Variants in SLC16A7 observed in about 807,000 individuals in gnomAD.
SLC16A7 encodes the protein solute carrier family 16 member 7.
SLC16A7 carries 33 observed loss-of-function variants against 34.9 expected under a neutral mutation model. The ratio of observed to expected loss-of-function variants is 0.94; its 90% CI spans 0.72 to 1.26. SLC16A7 has a LOEUF of 1.26. SLC16A7 is among the 50% of genes most tolerant of loss of function. SLC16A7 has a pLI of 0.00. For missense variants in SLC16A7, 573 were observed against 578.1 expected (o/e 0.99, Z 0.09); for synonymous variants, 201 against 206.6 (o/e 0.97, Z 0.23).
At chr12:59,607,363 T>G (rs1878993715) in intron 1 of SLC16A7, among the ~76,000 whole-genome samples, 1 of 152,178 alleles carries the variant, frequency 6.6e-6, no homozygotes, top group African/African-American at 2.4e-5. Flanking sequence ...AAAAGTCTGC[T>G]GAAGAATAAG....
At chr12:59,671,929 C>A (rs10783996) in intron 2 of SLC16A7, among the ~76,000 whole-genome samples, 8,606 of 15,128 alleles carry the variant, frequency 0.57, 3,633 homozygotes, top group Non-Finnish European at 0.67. Context: ...ATGTATATAT[C>A]CATATATGTA....
At chr12:59,700,446 T>C (rs1872745375) in intron 2 of SLC16A7, among the ~76,000 whole-genome samples, 2 of 149,930 alleles carry the variant, frequency 1.3e-5, no homozygotes, top group African/African-American at 2.4e-5. Context: ...ATTACATGCA[T>C]ATAATATAGA....
intron 3 of SLC16A7, among the ~76,000 whole-genome samples, chr12:59,723,956 CA>C (rs1875928518): frequency 6.6e-6 from 1 of 151,844 alleles, no homozygotes; most frequent in Admixed American, 6.6e-5. Context: ...CATTCTTAAA[CA>C]GGCATGCAAG....
intron 2 of SLC16A7, among the ~76,000 whole-genome samples, chr12:59,686,369 G>A (rs969400029): frequency 4.6e-5 from 7 of 151,948 alleles, no homozygotes; most frequent in Admixed American, 4.6e-4. Context: ...AAGAAACTAA[G>A]ATCCAGTATT....
At chr12:59,760,022 G>A (rs1456535175) in intron 3 of SLC16A7, among the ~76,000 whole-genome samples, 1 of 151,794 alleles carries the variant, frequency 6.6e-6, no homozygotes, top group Non-Finnish European at 1.5e-5. Flanking sequence ...CCAGTTTTAT[G>A]GATCACATTA....
chr12:59,669,884 C>T (rs931840085), intron 2 of SLC16A7, among the ~76,000 whole-genome samples: 2 of 152,078 alleles, frequency 1.3e-5, no homozygotes, highest in Admixed American at 6.6e-5. Context: ...TAATGCTTAC[C>T]TTCCTTGTCT....
chr12:59,650,324 GT>G lies in SLC16A7; in HGVS notation c.-129-4823del, dbSNP rs1565631355. On this transcript the variant is annotated intron_variant, in intron 1 of 5. Coordinates refer to ENST00000547379, the MANE Select transcript of SLC16A7 (RefSeq NM_001270623.2). ...TTCATCAAAGTTTAGCACTAGAAGT[GT>G]TTTTATACACCACATAGTCCAGACA... 2.6e-5 allele frequency among the ~76,000 whole-genome samples: 4 copies of G among 152,226 alleles called. No individual in the cohort carries two copies. In the East Asian group the frequency reaches 7.7e-4, roughly 29 times the overall value.
chr12:59,750,916 A>G (rs575771814), intron 3 of SLC16A7, among the ~76,000 whole-genome samples: 123 of 152,342 alleles, frequency 8.1e-4, no homozygotes, highest in African/African-American at 2.5e-3. Context: ...TTGCAGGGAC[A>G]TGGATGAAGC....
chr12:59,667,814 C>T (rs946484626), intron 2 of SLC16A7, among the ~76,000 whole-genome samples: 2 of 152,162 alleles, frequency 1.3e-5, no homozygotes, highest in African/African-American at 4.8e-5. Context: ...GGCCTGGAGG[C>T]CTAGGAGGGA....
chr12:59,759,320 C>T lies in SLC16A7; in HGVS notation c.218-11899C>T, dbSNP rs1287586545. Among the ~76,000 whole-genome samples, 5 of 151,842 alleles carry T rather than the reference C, an allele frequency of 3.3e-5. No individual in the cohort carries two copies. The East Asian group carries it at 7.7e-4, about 23-fold the overall frequency. On this transcript the variant is annotated intron_variant, in intron 3 of 5. Coordinates refer to ENST00000547379, the MANE Select transcript of SLC16A7 (RefSeq NM_001270623.2). ...TTCTTTATATACCATTGGAAACATT[C>T]GAGGGTCATTAAAATAGGACCCCAT...
intron 1 of SLC16A7, among the ~76,000 whole-genome samples, chr12:59,627,829 A>T (rs1879996284): frequency 1.3e-5 from 2 of 151,176 alleles, no homozygotes; most frequent in South Asian, 4.2e-4. Flanking sequence ...TTGTTGCCCT[A>T]ACTCATCTCT....
chr12:59,761,111 A>G (rs1176725106), intron 3 of SLC16A7: 7 of 1,227,872 alleles, frequency 5.7e-6, no homozygotes, highest in African/African-American at 3.1e-5. Context: ...TGCAAAATGT[A>G]CTTGTGTTTA....
At chr12:59,756,580 T>A (rs950462725) in intron 3 of SLC16A7, among the ~76,000 whole-genome samples, 12 of 151,836 alleles carry the variant, frequency 7.9e-5, no homozygotes, top group African/African-American at 2.9e-4. Flanking sequence ...CCAGTTAGAA[T>A]GGCTATCATT....
intron 2 of SLC16A7, among the ~76,000 whole-genome samples, chr12:59,671,445 ATTTC>A (rs1203806703): frequency 6.6e-6 from 1 of 151,900 alleles, no homozygotes; most frequent in Non-Finnish European, 1.5e-5. Flanking sequence ...ATTCCTTTGT[ATTTC>A]TTCTCATGCA....
intron 3 of SLC16A7, among the ~76,000 whole-genome samples, chr12:59,715,422 C>T (rs995288150): frequency 1.3e-5 from 2 of 152,182 alleles, no homozygotes; most frequent in South Asian, 2.1e-4. Context: ...ATATCACAGC[C>T]GTCTTGTGCC....
rs1201917606 is a variant in SLC16A7 at position 59,781,989 on chromosome 12, A to G, written c.*2310A>G. The G allele has an allele frequency of 6.6e-6, 1 of 152,146 alleles. No homozygotes were observed. Among genetic ancestry groups the G allele is most frequent in the Admixed American group, 6.6e-5 (1 of 15,262 alleles). The allele number at this position is 152,146 out of a possible 1,614,324, so 9.4% of individuals were successfully genotyped here. A position where few individuals can be genotyped will look rare whatever the true frequency, so the allele number is the denominator to read the frequency against. On this transcript the variant is annotated 3_prime_UTR_variant, in exon 6 of 6. Coordinates refer to ENST00000547379, the MANE Select transcript of SLC16A7 (RefSeq NM_001270623.2). ...CCTTCTCCAGGGAGGAGGTTTATTT[A>G]CTTACTGATGAGTTTCTCGTCACGT... is the stretch of plus-strand genomic sequence containing the variant.
At chr12:59,642,469 T>C (rs1468679715) in intron 1 of SLC16A7, among the ~76,000 whole-genome samples, 1 of 152,134 alleles carries the variant, frequency 6.6e-6, no homozygotes, top group Non-Finnish European at 1.5e-5. Flanking sequence ...TTTTTGATAC[T>C]CAGGATTTTA....
At chr12:59,714,535 C>CA (rs1874651658) in intron 3 of SLC16A7, among the ~76,000 whole-genome samples, 1 of 151,706 alleles carries the variant, frequency 6.6e-6, no homozygotes, top group Non-Finnish European at 1.5e-5. Context: ...CATGTGCACC[C>CA]ACCCCTGGTG....
intron 1 of SLC16A7, among the ~76,000 whole-genome samples, chr12:59,643,616 C>T (rs1300759924): frequency 1.3e-5 from 2 of 152,224 alleles, no homozygotes; most frequent in East Asian, 1.9e-4. Context: ...ACAGAGCAGG[C>T]TTCTTATGTA....
Sources: gnomAD v4.1 joint callset for allele counts (sites outside exome capture counted in the v4.1 genomes callset) on GRCh38, gnomAD v4.1.1 for gene constraint, MANE v1.5 for transcripts, NCBI Gene and HGNC (gene_info 2026-07-23, HGNC 2026-07-21) for gene names.